Variants in TDRD15 observed in about 807,000 individuals in gnomAD.
TDRD15 encodes tudor domain-containing protein 15.
For synonymous variants in TDRD15, 503 were observed against 314.5 expected, an observed-to-expected ratio of 1.60 and a Z score of -6.34; for missense variants, 1,416 against 904.7, an observed-to-expected ratio of 1.57 and a Z score of -7.25.
rs1665529871 is a variant in TDRD15 at position 21,124,031 on chromosome 2, G to A, written c.-216G>A. On this transcript the variant is annotated 5_prime_UTR_variant, in exon 1 of 4. Transcript: ENST00000405799. ...AGCTCTGGGAAGAGCGGCCTGACCC[G>A]CAGCAGAGATTCTTGGTAAACCCCA... The A allele has an allele frequency of 6.6e-6, 1 of 152,518 alleles. No individual in the cohort carries two copies. Among genetic ancestry groups the A allele is most frequent in the Non-Finnish European group, 1.5e-5 (1 of 68,166 alleles). The allele number at this position is 152,518 out of a possible 1,614,324, so 9.4% of individuals were successfully genotyped here. A position where few individuals can be genotyped will look rare whatever the true frequency, so the allele number is the denominator to read the frequency against.
chr2:21,137,479 ATCTT>A lies in TDRD15; in HGVS notation c.17_20del (p.Phe6TyrfsTer5). ...TTGCTTTTTAGAAAATGGATTCTAC[ATCTT>A]TCTTACCAACATTTTTAGATGTGGA... On this transcript the variant is annotated frameshift_variant, in exon 4 of 4. Transcript: ENST00000405799. LOFTEE classifies it low-confidence loss of function (END_TRUNC). The A allele has an allele frequency of 3.1e-6, 2 of 642,636 alleles. No individual in the cohort carries two copies. Among genetic ancestry groups the A allele is most frequent in the East Asian group, 5.5e-5 (2 of 36,454 alleles). The allele number at this position is 642,636 out of a possible 1,614,324, so 39.8% of individuals were successfully genotyped here. A position where few individuals can be genotyped will look rare whatever the true frequency, so the allele number is the denominator to read the frequency against.
Position 21,141,122 on chromosome 2 carries a change from C to A in TDRD15, c.3655C>A (p.Pro1219Thr), listed in dbSNP as rs1023168372. The change falls in exon 4 of 4, where the codon CCT becomes ACT. Residue 1219 changes from proline (P) to threonine (T), a missense_variant. Pro to Thr is a conservative substitution (Grantham distance 38). Transcript: ENST00000405799. ...GCCATCAGTTTGTTATAAAATGGAA[C>A]CTGTGTCAAAAAACAAAATGAAGAC... Reference protein sequence around the residue: ...LKPSVCYKMEPVSKNKMKTSL... With the variant: ...LKPSVCYKMETVSKNKMKTSL... 9.8e-6 allele frequency: 7 copies of A among 710,846 alleles called. No homozygotes were observed. The highest frequency in any genetic ancestry group is 2.3e-4 in the Middle Eastern group (1 of 4,318). 44.0% of individuals were successfully genotyped at this position (710,846 alleles called of 1,614,324 possible). A position where few individuals can be genotyped will look rare whatever the true frequency, so the allele number is the denominator to read the frequency against.
At position 21,143,091 on chromosome 2, in the gene TDRD15, A is replaced by G. The variant is rs1665968892; in HGVS notation, c.5624A>G (p.Lys1875Arg). 4.3e-6 allele frequency: 3 copies of G among 695,722 alleles called. No homozygotes were observed. In the East Asian group the frequency reaches 8.1e-5, roughly 19 times the overall value. 43.1% of individuals were successfully genotyped at this position (695,722 alleles called of 1,614,324 possible). ...AKIFFRDFLS[K>R]PDLVFQFREY... Reference sequence around the variant, plus strand: ...ATCTTTTTTCGAGATTTCCTAAGTAAACCAGACTTAGTTTTTCAGTTTAGG... The same window carrying G: ...ATCTTTTTTCGAGATTTCCTAAGTAGACCAGACTTAGTTTTTCAGTTTAGG... The change falls in exon 4 of 4, where the codon AAA becomes AGA. Residue 1875 changes from lysine (K) to arginine (R), a missense_variant. Coordinates refer to ENST00000405799, the MANE Select transcript of TDRD15 (RefSeq NM_001306137.2).
At chr2:21,132,814 C>T (rs1665744055) in intron 2 of TDRD15, among the ~76,000 whole-genome samples, 2 of 151,782 alleles carry the variant, frequency 1.3e-5, no homozygotes, top group Non-Finnish European at 2.9e-5. Context: ...CTTTTATCTA[C>T]CTGGTATTTA....
At chr2:21,125,963 T>C (rs1421369650) in intron 1 of TDRD15, among the ~76,000 whole-genome samples, 1 of 152,056 alleles carries the variant, frequency 6.6e-6, no homozygotes, top group Non-Finnish European at 1.5e-5. Flanking sequence ...CTCTGTGAAT[T>C]ATTCTGTTCC....
chr2:21,141,418 T>C lies in TDRD15; in HGVS notation c.3951T>C (p.Asn1317=). 1 of 713,342 alleles carries C rather than the reference T, an allele frequency of 1.4e-6. No homozygotes were observed. Among genetic ancestry groups the C allele is most frequent in the South Asian group, 1.5e-5 (1 of 66,906 alleles). 44.2% of individuals were successfully genotyped at this position (713,342 alleles called of 1,614,324 possible). A position where few individuals can be genotyped will look rare whatever the true frequency, so the allele number is the denominator to read the frequency against. ...ATTTCCATATTCAGCTTGCTGAGAA[T>C]GAAAGTGTAATTATCAGACTTGCTG... ...PANFHIQLAE[N]ESVIIRLADA... Residue 1317 remains asparagine, a synonymous_variant, in exon 4 of 4, where the codon AAT becomes AAC. Transcript: ENST00000405799.
intron 2 of TDRD15, among the ~76,000 whole-genome samples, chr2:21,134,166 G>A (rs1436126673): frequency 1.3e-5 from 2 of 151,738 alleles, no homozygotes; most frequent in Non-Finnish European, 2.9e-5. Context: ...AGTATAGAAA[G>A]GGTTTTCTCT....
Position 21,141,622 on chromosome 2 carries a change from A to T in TDRD15, c.4155A>T (p.Ile1385=). ...TTATTGACTATGGTAACTCTGCAAT[A>T]GTAAACACATCTAAAATTTACGAAC... ...VEFIDYGNSA[I]VNTSKIYELQ... is the part of the protein sequence containing the mutation. Residue 1385 remains isoleucine (I), a synonymous_variant, in exon 4 of 4, where the codon ATA becomes ATT. Transcript: ENST00000405799. The T allele has an allele frequency of 1.4e-6, 1 of 714,244 alleles. No individual in the cohort carries two copies. The highest frequency in any genetic ancestry group is 1.5e-5 in the South Asian group (1 of 67,160). 44.2% of individuals were successfully genotyped at this position (714,244 alleles called of 1,614,324 possible). A position where few individuals can be genotyped will look rare whatever the true frequency, so the allele number is the denominator to read the frequency against.
chr2:21,130,231 G>GT (rs1308445053), intron 2 of TDRD15, among the ~76,000 whole-genome samples: 1 of 152,176 alleles, frequency 6.6e-6, no homozygotes, highest in African/African-American at 2.4e-5. Flanking sequence ...TTACCCATAG[G>GT]TTTTTTATCC....
downstream of TDRD15, among the ~76,000 whole-genome samples, chr2:21,146,758 G>C (rs1666037386): frequency 1.3e-5 from 2 of 152,070 alleles, no homozygotes. Flanking sequence ...TAAATATGAA[G>C]TAACATCTAG....
chr2:21,132,195 G>T (rs1665731903), intron 2 of TDRD15, among the ~76,000 whole-genome samples: 6 of 152,094 alleles, frequency 3.9e-5, no homozygotes, highest in Admixed American at 3.9e-4. Context: ...AGGAAATAAG[G>T]TAATAGAAAA....
intron 3 of TDRD15, among the ~76,000 whole-genome samples, chr2:21,136,446 T>G (rs1309529492): frequency 1.3e-5 from 2 of 152,066 alleles, no homozygotes; most frequent in African/African-American, 4.8e-5. Flanking sequence ...CCTTTTGACC[T>G]TTTTGAGAAC....
intron 2 of TDRD15, among the ~76,000 whole-genome samples, chr2:21,133,736 CTT>C (rs1420164706): frequency 2.0e-5 from 3 of 151,980 alleles, no homozygotes; most frequent in Admixed American, 1.3e-4. Context: ...ATATTTAAAA[CTT>C]AAAATTGTAT....
At position 21,137,697 on chromosome 2, in the gene TDRD15, A is replaced by G; in HGVS notation, c.230A>G (p.Gln77Arg). 1 of 714,640 alleles carries G rather than the reference A, an allele frequency of 1.4e-6. No individual in the cohort carries two copies. Among genetic ancestry groups the G allele is most frequent in the East Asian group, 2.7e-5 (1 of 37,254 alleles). The allele number at this position is 714,640 out of a possible 1,614,324, so 44.3% of individuals were successfully genotyped here. A position where few individuals can be genotyped will look rare whatever the true frequency, so the allele number is the denominator to read the frequency against. Residue 77 changes from glutamine to arginine, a missense_variant, in exon 4 of 4, where the codon CAG (glutamine) becomes CGG (arginine). Coordinates refer to ENST00000405799, the MANE Select transcript of TDRD15 (RefSeq NM_001306137.2). ...LVEERVSGEW[Q>R]RGRVMEKKNE... is the part of the protein sequence containing the mutation. ...GAAGAAAGAGTATCTGGAGAATGGC[A>G]GAGAGGAAGAGTCATGGAAAAGAAA...
chr2:21,141,486 C>T lies in TDRD15; in HGVS notation c.4019C>T (p.Ser1340Leu). 1.4e-6 allele frequency: 1 copy of T among 714,768 alleles called. No individual in the cohort carries two copies. Among genetic ancestry groups the T allele is most frequent in the East Asian group, 2.7e-5 (1 of 37,252 alleles). The allele number at this position is 714,768 out of a possible 1,614,324, so 44.3% of individuals were successfully genotyped here. The change falls in exon 4 of 4, where the codon TCA (serine) becomes TTA (leucine). Residue 1340 changes from serine to leucine, a missense_variant. Transcript: ENST00000405799. ...ATARRLRERK[S>L]VKPLVGDLVV... Reference sequence around the variant, plus strand: ...GCAAGGAGATTGAGAGAGAGAAAATCAGTTAAACCTCTAGTGGGAGATCTT... The same window carrying T: ...GCAAGGAGATTGAGAGAGAGAAAATTAGTTAAACCTCTAGTGGGAGATCTT...
downstream of TDRD15, among the ~76,000 whole-genome samples, chr2:21,146,680 A>T (rs1666036185): frequency 6.6e-6 from 1 of 152,052 alleles, no homozygotes; most frequent in Non-Finnish European, 1.5e-5. Context: ...TTGCTTATTT[A>T]ACTGGAAGTC....
rs561908912 is a variant in TDRD15, at chr2:21,126,048, T to C, written c.-200-1553T>C. ...TGTGTGTCTGTGTGTCTTACAGCTT[T>C]AGTGAAGTATATCTGAGATATAACA... On this transcript the variant is annotated intron_variant, in intron 1 of 3. Coordinates refer to ENST00000405799, the MANE Select transcript of TDRD15 (RefSeq NM_001306137.2). Among the ~76,000 whole-genome samples, 21 of 152,272 alleles carry C rather than the reference T, an allele frequency of 1.4e-4. No homozygotes were observed. In the South Asian group the frequency reaches 3.1e-3, roughly 23 times the overall value.
In TDRD15 at chr2:21,137,811, T is replaced by C; in HGVS notation, c.344T>C (p.Phe115Ser). ...PQIASACGNL[F>S]ELPPRVVFGI... ...ATTGCTTCAGCCTGTGGCAATTTATTTGAGCTACCGCCACGGGTAGTATTT... is the reference window on the plus strand; with the variant it reads ...ATTGCTTCAGCCTGTGGCAATTTATCTGAGCTACCGCCACGGGTAGTATTT... Residue 115 changes from phenylalanine to serine, a missense_variant, in exon 4 of 4, where the codon TTT becomes TCT. Phe to Ser is a radical substitution (Grantham distance 155). Transcript: ENST00000405799. The C allele has an allele frequency of 1.4e-6, 1 of 716,534 alleles. No individual in the cohort carries two copies. The highest frequency in any genetic ancestry group is 1.5e-5 in the South Asian group (1 of 67,544). 44.4% of individuals were successfully genotyped at this position (716,534 alleles called of 1,614,324 possible). A position where few individuals can be genotyped will look rare whatever the true frequency, so the allele number is the denominator to read the frequency against.
chr2:21,130,632 T>C (rs1665700656), intron 2 of TDRD15, among the ~76,000 whole-genome samples: 1 of 152,264 alleles, frequency 6.6e-6, no homozygotes, highest in East Asian at 1.9e-4. Flanking sequence ...TTCAGGACCA[T>C]TTATTGAAAA....
Sources: allele counts gnomAD v4.1 joint callset (sites outside exome capture counted in the v4.1 genomes callset), GRCh38; gene constraint gnomAD v4.1.1; transcripts MANE v1.5; gene names NCBI Gene and HGNC (gene_info 2026-07-23, HGNC 2026-07-21).